Variants in RASEF observed in about 807,000 individuals in gnomAD.
RASEF encodes RAS and EF-hand domain containing.
RASEF carries 68 observed loss-of-function variants against 90.1 expected under a neutral mutation model. The ratio of observed to expected loss-of-function variants is 0.75; its 90% confidence interval spans 0.62 to 0.92. The LOEUF is 0.92. Ranked by LOEUF, RASEF falls within the 40% of genes least tolerant of loss-of-function variation. The pLI, the probability that RASEF is intolerant of heterozygous loss-of-function variation, is 0.00. For synonymous variants in RASEF, 331 were observed against 345.2 expected (o/e 0.96, Z 0.46); for missense variants, 949 against 937.2 (o/e 1.01, Z -0.16).
chr9:83,089,876 G>A, the RASEF span, among the ~76,000 whole-genome samples: 4 of 149,790 alleles, frequency 2.7e-5, no homozygotes, highest in South Asian at 8.6e-4. Context: ...TGTCCTTCTG[G>A]GACTTTATAG....
intron 12 of RASEF, 107 bp downstream of exon 12, chr9:83,000,062 G>A (rs1828998437): frequency 1.0e-6 from 1 of 993,934 alleles, no homozygotes; most frequent in Non-Finnish European, 1.5e-6. Context: ...CATACACAGA[G>A]AAAGAGAAAA....
the RASEF span, among the ~76,000 whole-genome samples, chr9:83,139,812 T>A: frequency 6.6e-6 from 1 of 152,214 alleles, no homozygotes. Flanking sequence ...TCTCTGAATA[T>A]GAAAGTATCT....
chr9:83,204,827 T>C, the RASEF span, among the ~76,000 whole-genome samples: 5 of 152,246 alleles, frequency 3.3e-5, no homozygotes, highest in African/African-American at 1.2e-4. Flanking sequence ...CATTTAGTTC[T>C]AGGATAAGTT....
At chr9:83,049,186 T>C (rs73471429) in intron 1 of RASEF, 7,089 of 341,240 alleles carry the variant, frequency 0.021, 489 homozygotes, top group African/African-American at 0.15. Flanking sequence ...GCTTATAACA[T>C]ATTACACTTA....
At chr9:83,143,454 C>A in the RASEF span, among the ~76,000 whole-genome samples, 1 of 152,090 alleles carries the variant, frequency 6.6e-6, no homozygotes, top group African/African-American at 2.4e-5. Context: ...CATAAAACAG[C>A]CAACAAACAC....
At chr9:83,089,439 AG>A in the RASEF span, among the ~76,000 whole-genome samples, 2 of 152,116 alleles carry the variant, frequency 1.3e-5, no homozygotes, top group African/African-American at 4.8e-5. Context: ...CACCCTAAAA[AG>A]CCCTTTTAGT....
the RASEF span, among the ~76,000 whole-genome samples, chr9:83,117,642 C>T: frequency 6.6e-6 from 1 of 152,142 alleles, no homozygotes. Flanking sequence ...TTTGTGAATC[C>T]TGTATGTGTA....
At chr9:83,180,981 T>C in the RASEF span, among the ~76,000 whole-genome samples, 1 of 151,682 alleles carries the variant, frequency 6.6e-6, no homozygotes, top group Admixed American at 6.6e-5. Context: ...CACATTCAAG[T>C]GATATTTTGG....
chr9:83,021,456 T>C (rs59113785), intron 3 of RASEF, among the ~76,000 whole-genome samples: 4,526 of 152,300 alleles, frequency 0.03, 207 homozygotes, highest in African/African-American at 0.1. Flanking sequence ...TAAACATTAA[T>C]CACCCAAAAA....
At chr9:83,214,201 C>T in the RASEF span, among the ~76,000 whole-genome samples, 15 of 152,180 alleles carry the variant, frequency 9.9e-5, no homozygotes, top group South Asian at 2.1e-4. Context: ...GCCTGGCCAA[C>T]GGGGAAACCC....
At chr9:83,039,812 A>T (rs1829806591) in intron 1 of RASEF, among the ~76,000 whole-genome samples, 1 of 152,106 alleles carries the variant, frequency 6.6e-6, no homozygotes, top group African/African-American at 2.4e-5. Context: ...AATAAGTCCA[A>T]CTCAAGAAAC....
At chr9:83,136,354 C>T in the RASEF span, among the ~76,000 whole-genome samples, 2 of 151,996 alleles carry the variant, frequency 1.3e-5, no homozygotes, top group African/African-American at 4.8e-5. Flanking sequence ...AATAGTACTG[C>T]AAATAAAGTT....
chr9:83,080,069 G>T, the RASEF span, among the ~76,000 whole-genome samples: 1 of 152,136 alleles, frequency 6.6e-6, no homozygotes, highest in Admixed American at 6.6e-5. Context: ...AAATAATTCG[G>T]AATAAACAAA....
At chr9:83,022,271 G>T in intron 3 of RASEF, 65 bp downstream of exon 3, 3 of 1,166,946 alleles carry the variant, frequency 2.6e-6, no homozygotes, top group Non-Finnish European at 3.9e-6. Flanking sequence ...AAGAGTGCCT[G>T]GGCCCTCTCC....
chr9:83,078,910 C>G, the RASEF span, among the ~76,000 whole-genome samples: 4 of 152,194 alleles, frequency 2.6e-5, no homozygotes, highest in East Asian at 7.7e-4. Context: ...TTGTTTTTCT[C>G]TTGTAAATTT....
At chr9:83,085,195 A>G in the RASEF span, among the ~76,000 whole-genome samples, 1 of 152,254 alleles carries the variant, frequency 6.6e-6, no homozygotes, top group African/African-American at 2.4e-5. Context: ...AGTAATAGTA[A>G]TAATACCTAG....
At chr9:83,125,859 A>G in the RASEF span, among the ~76,000 whole-genome samples, 1 of 152,206 alleles carries the variant, frequency 6.6e-6, no homozygotes, top group African/African-American at 2.4e-5. Flanking sequence ...GTAAAAGAAA[A>G]CATTTAGTTT....
the RASEF span, among the ~76,000 whole-genome samples, chr9:83,149,091 C>A: frequency 6.6e-6 from 1 of 152,196 alleles, no homozygotes; most frequent in East Asian, 1.9e-4. Flanking sequence ...ACCCTAGAGA[C>A]TGGAAAAACA....
the RASEF span, among the ~76,000 whole-genome samples, chr9:83,209,877 C>T: frequency 6.6e-6 from 1 of 152,162 alleles, no homozygotes; most frequent in Non-Finnish European, 1.5e-5. Context: ...TGTTCTCAGG[C>T]TGCATTTGAC....
Sources: gnomAD v4.1 joint callset for allele counts (sites outside exome capture counted in the v4.1 genomes callset) on GRCh38, gnomAD v4.1.1 for gene constraint, MANE v1.5 for transcripts, NCBI Gene and HGNC (gene_info 2026-07-23, HGNC 2026-07-21) for gene names.